Variants in RGPD3 observed in about 807,000 individuals in gnomAD.
RGPD3 encodes RANBP2 like and GRIP domain containing 3.
In RGPD3, 62 loss-of-function variants were observed where a neutral mutation model predicts 154.5. That is an observed-to-expected ratio of 0.40 (90% CI 0.33 to 0.50). RGPD3 has a LOEUF of 0.50. Ranked by LOEUF, RGPD3 falls within the 20% of genes least tolerant of loss-of-function variation. The pLI is 0.59. For synonymous variants in RGPD3, 308 were observed against 607.0 expected (o/e 0.51, Z 7.24); for missense variants, 919 against 1,716.8 (o/e 0.54, Z 8.21).
chr2:106,451,230 C>T (rs1678115964), intron 6 of RGPD3, among the ~76,000 whole-genome samples: 1 of 151,522 alleles, frequency 6.6e-6, no homozygotes, highest in African/African-American at 2.4e-5. Flanking sequence ...AATAAAACAT[C>T]CTACATGTTT....
upstream of RGPD3, among the ~76,000 whole-genome samples, chr2:106,468,863 GAA>G (rs1678738010): frequency 7.0e-6 from 1 of 142,154 alleles, no homozygotes. Flanking sequence ...GGCAGCTGAG[GAA>G]CTAAGAGCCC....
intron 20 of RGPD3, among the ~76,000 whole-genome samples, chr2:106,421,306 G>C (rs922558599): frequency 5.9e-5 from 9 of 151,838 alleles, no homozygotes; most frequent in African/African-American, 2.2e-4. Context: ...CTTAGGTCAG[G>C]GATTCCTAAC....
intron 1 of RGPD3, among the ~76,000 whole-genome samples, chr2:106,466,029 A>T (rs1007568781): frequency 3.6e-4 from 55 of 151,722 alleles, no homozygotes; most frequent in Non-Finnish European, 3.1e-4. Context: ...ATATAAAGTA[A>T]ATGTCCAGGA....
intron 1 of RGPD3, among the ~76,000 whole-genome samples, chr2:106,466,832 A>AGGGAGCAGCGCCCGTC (rs1678618067): frequency 1.5e-5 from 1 of 68,820 alleles, no homozygotes. Context: ...AGAGCGCGCC[A>AGGGAGCAGCGCCCGTC]GGGAGCAGCG....
At chr2:106,422,041 CTGT>C (rs2104454210) in intron 20 of RGPD3, among the ~76,000 whole-genome samples, 1 of 152,156 alleles carries the variant, frequency 6.6e-6, no homozygotes, top group African/African-American at 2.4e-5. Flanking sequence ...CTAAAAACTG[CTGT>C]TATCTCATAC....
intron 1 of RGPD3, among the ~76,000 whole-genome samples, chr2:106,466,418 G>C (rs1273096911): frequency 3.0e-4 from 42 of 138,558 alleles, no homozygotes; most frequent in South Asian, 9.8e-4. Flanking sequence ...AGCAGCGCCC[G>C]TCGGGAGCCA....
chr2:106,469,280 A>T (rs1464954391), upstream of RGPD3, among the ~76,000 whole-genome samples: 9 of 146,374 alleles, frequency 6.1e-5, 1 homozygote, highest in East Asian at 1.6e-3. Flanking sequence ...CCAATGTGTT[A>T]GACTATCATT....
In RGPD3 at chr2:106,425,260, A is replaced by T; in HGVS notation, c.2707T>A (p.Ser903Thr). The T allele has an allele frequency of 6.2e-7, 1 of 1,611,406 alleles. No homozygotes were observed. Among genetic ancestry groups the T allele is most frequent in the Non-Finnish European group, 8.5e-7 (1 of 1,179,700 alleles). Reference sequence around the variant, plus strand: ...TTGGTTGACTTAAATTCTGTATTAGAAGAACCCTGAAACATAAATGAAGGT... The same window carrying T: ...TTGGTTGACTTAAATTCTGTATTAGTAGAACCCTGAAACATAAATGAAGGT... ...AANVTPTKGS[S>T]NTEFKSTKEG... The change falls in exon 20 of 23, where the codon TCT (serine) becomes ACT (threonine). Residue 903 changes from serine (S) to threonine (T), a missense_variant. By Grantham distance (58) the Ser-to-Thr change is moderately conservative. Transcript: ENST00000409886.
At chr2:106,427,004 GA>G (rs1273563392) in intron 18 of RGPD3, among the ~76,000 whole-genome samples, 2 of 151,120 alleles carry the variant, frequency 1.3e-5, no homozygotes, top group Non-Finnish European at 2.9e-5. Context: ...AATGGCCCAA[GA>G]ATCTTAAAGT....
intron 22 of RGPD3, among the ~76,000 whole-genome samples, chr2:106,406,063 A>G (rs1379779457): frequency 6.6e-6 from 1 of 151,458 alleles, no homozygotes; most frequent in Non-Finnish European, 1.5e-5. Context: ...TTTAAAAAAA[A>G]TTCTTTTAAA....
intron 1 of RGPD3, among the ~76,000 whole-genome samples, chr2:106,467,728 A>C (rs1466299606): frequency 1.5e-3 from 184 of 119,638 alleles, no homozygotes; most frequent in Middle Eastern, 0.014. Flanking sequence ...CCGCCGCCTC[A>C]ACAGAGCGCG....
chr2:106,421,446 T>C (rs970353459), intron 20 of RGPD3, among the ~76,000 whole-genome samples: 24 of 151,974 alleles, frequency 1.6e-4, no homozygotes, highest in South Asian at 8.4e-4. Flanking sequence ...ACTGGTATAA[T>C]TAAAAAAAAA....
At chr2:106,410,114 G>T (rs1162796720) in intron 22 of RGPD3, among the ~76,000 whole-genome samples, 1 of 151,812 alleles carries the variant, frequency 6.6e-6, no homozygotes, top group East Asian at 1.9e-4. Flanking sequence ...GACCTCAGGT[G>T]ATCTACCCTC....
At chr2:106,412,279 C>CTAACTACA (rs1309354025) in intron 22 of RGPD3, among the ~76,000 whole-genome samples, 5 of 86,864 alleles carry the variant, frequency 5.8e-5, no homozygotes, top group Non-Finnish European at 1.2e-4. Flanking sequence ...GAAACCAACT[C>CTAACTACA]TAACTACATC....
At chr2:106,440,344 G>A (rs561048315) in intron 8 of RGPD3, among the ~76,000 whole-genome samples, 101 of 149,084 alleles carry the variant, frequency 6.8e-4, no homozygotes, top group African/African-American at 2.3e-3. Context: ...TGGGCAATTA[G>A]GTTTGGTTAC....
rs771468333 is a variant in RGPD3 at position 106,424,650 on chromosome 2, A to G, written c.3317T>C (p.Leu1106Pro). ...VRMLMQREQV[L>P]KVCANHWITT... is the part of the protein sequence containing the mutation. ...TATCCAATGATTAGCACACACTTTTAGTACTTGTTCTCTTTGCATCAGCAT... is the reference window on the plus strand; with the variant it reads ...TATCCAATGATTAGCACACACTTTTGGTACTTGTTCTCTTTGCATCAGCAT... Residue 1106 changes from leucine to proline, a missense_variant, in exon 20 of 23, where the codon CTA (leucine) becomes CCA (proline). By Grantham distance (98) the Leu-to-Pro change is moderately conservative. Coordinates refer to ENST00000409886, the MANE Select transcript of RGPD3 (RefSeq NM_001144013.2). 1.2e-6 allele frequency: 2 copies of G among 1,611,856 alleles called. No individual in the cohort carries two copies. The highest frequency in any genetic ancestry group is 1.7e-6 in the Non-Finnish European group (2 of 1,179,860).
intron 2 of RGPD3, among the ~76,000 whole-genome samples, 155 bp downstream of exon 2, chr2:106,459,110 A>G (rs1287221200): frequency 6.8e-6 from 1 of 146,884 alleles, no homozygotes; most frequent in Non-Finnish European, 1.5e-5. Flanking sequence ...AATGGAATCT[A>G]GGCTGGTCCT....
At chr2:106,412,074 A>G (rs1489897152) in intron 22 of RGPD3, among the ~76,000 whole-genome samples, 1 of 146,422 alleles carries the variant, frequency 6.8e-6, no homozygotes, top group Non-Finnish European at 1.5e-5. Context: ...ACTGTTAGAG[A>G]TGGGTGACAA....
chr2:106,409,578 C>T (rs1676608841), intron 22 of RGPD3, among the ~76,000 whole-genome samples: 1 of 151,900 alleles, frequency 6.6e-6, no homozygotes, highest in Admixed American at 6.6e-5. Flanking sequence ...TTTGAGATTT[C>T]TCTCTGTCTT....
Sources: allele counts gnomAD v4.1 joint callset (sites outside exome capture counted in the v4.1 genomes callset), GRCh38; gene constraint gnomAD v4.1.1; transcripts MANE v1.5; gene names NCBI Gene and HGNC (gene_info 2026-07-23, HGNC 2026-07-21).